CATSPER2: variants seen among roughly 807,000 people sequenced by gnomAD.
The protein encoded by CATSPER2 is cation channel sperm-associated protein 2.
In CATSPER2, 56 loss-of-function variants were observed where a neutral mutation model predicts 68.8. That is an observed-to-expected ratio of 0.81 (90% CI 0.66 to 1.02). CATSPER2 has a LOEUF of 1.02. CATSPER2 is among the 50% of genes least tolerant of loss of function. CATSPER2 has a pLI of 0.00. For missense variants in CATSPER2, 582 were observed against 642.0 expected (o/e 0.91, Z 1.01); for synonymous variants, 198 against 229.9 (o/e 0.86, Z 1.26).
chr15:43,640,390 C>T lies in CATSPER2; in HGVS notation c.495G>A (p.Trp165Ter), dbSNP rs1352149728. Reference sequence around the variant, plus strand: ...TCCAGAAAACAGAAAAGTTGGATAGCCACTTAAGAAGGATCTCCAGGATGA... The same window carrying T: ...TCCAGAAAACAGAAAAGTTGGATAGTCACTTAAGAAGGATCTCCAGGATGA... ...LIFILEILLK[W>*]LSNFSVFWKS... Residue 165 changes from tryptophan (W) to a stop codon, truncating the protein, a stop_gained, in exon 5 of 13, where the codon TGG becomes TGA. Transcript: ENST00000396879. LOFTEE classifies it high-confidence loss of function. The T allele has an allele frequency of 3.7e-6, 6 of 1,612,956 alleles. No individual in the cohort carries two copies.
chr15:43,632,186 C>G lies in CATSPER2; in HGVS notation c.1561+13G>C. On this transcript the variant is annotated intron_variant, in intron 12 of 12. Coordinates refer to ENST00000396879, the MANE Select transcript of CATSPER2 (RefSeq NM_172095.4). Reference sequence around the variant, plus strand: ...ATATTCCCATGGTCCCCATGACTGCCCTAACTCCATACCTGCAAACTCTTG... The same window carrying G: ...ATATTCCCATGGTCCCCATGACTGCGCTAACTCCATACCTGCAAACTCTTG... 1 of 1,612,658 alleles carries G rather than the reference C, an allele frequency of 6.2e-7. No homozygotes were observed. The highest frequency in any genetic ancestry group is 8.5e-7 in the Non-Finnish European group (1 of 1,178,864).
In CATSPER2 at chr15:43,647,437, C is replaced by T; in HGVS notation, c.176G>A (p.Gly59Glu). ...GAAACGCACTAGCTGGTGTTGATCT[C>T]CCAATACAAGTTTCTTCTGGCGGGA... ...DPSRQKKLVL[G>E]DQHQLVRFSI... Residue 59 changes from glycine (G) to glutamate (E), a missense_variant, in exon 3 of 13, where the codon GGA (glycine) becomes GAA (glutamate). By Grantham distance (98) the Gly-to-Glu change is moderately conservative. Transcript: ENST00000396879. The T allele has an allele frequency of 6.2e-7, 1 of 1,613,134 alleles. No homozygotes were observed. The highest frequency in any genetic ancestry group is 8.5e-7 in the Non-Finnish European group (1 of 1,179,576).
chr15:43,638,127 G>C (rs2085997801), intron 7 of CATSPER2, among the ~76,000 whole-genome samples: 1 of 150,628 alleles, frequency 6.6e-6, no homozygotes, highest in Non-Finnish European at 1.5e-5. Flanking sequence ...GCTAATTTTT[G>C]TATTTTTAGT....
chr15:43,647,865 G>C, intron 2 of CATSPER2, 52 bp downstream of exon 2: 1 of 1,584,866 alleles, frequency 6.3e-7, no homozygotes, highest in East Asian at 2.2e-5. Context: ...TAAATGTAGA[G>C]GATGTGGATA....
chr15:43,644,171 A>G (rs2086120217), intron 4 of CATSPER2, among the ~76,000 whole-genome samples: 1 of 152,008 alleles, frequency 6.6e-6, no homozygotes, highest in Non-Finnish European at 1.5e-5. Context: ...AGATTTTTTT[A>G]AAGCCCTAAC....
intron 4 of CATSPER2, among the ~76,000 whole-genome samples, chr15:43,645,694 G>A (rs569632265): frequency 4.6e-5 from 7 of 151,742 alleles, no homozygotes; most frequent in African/African-American, 7.3e-5. Context: ...TCAGGAGGCC[G>A]AGGTGGGAGG....
chr15:43,639,062 C>A, intron 6 of CATSPER2, 34 bp from the exon 7 acceptor site: 2 of 1,608,788 alleles, frequency 1.2e-6, no homozygotes, highest in South Asian at 1.1e-5. Context: ...AGATGTGGGC[C>A]AAACTAGGCT....
rs149101439 is a variant in CATSPER2, at chr15:43,632,886, C to G, written c.1227G>C (p.Val409=). The part of the protein sequence containing the change: ...QQRESLDLSE[V]SEVESNYGAT... Reference sequence around the variant, plus strand: ...CACCATAATTAGACTCTACTTCAGACACTTCTGATAAGTCCAAACTTTCCC... The same window carrying G: ...CACCATAATTAGACTCTACTTCAGAGACTTCTGATAAGTCCAAACTTTCCC... Residue 409 remains valine, a synonymous_variant, in exon 11 of 13, where the codon GTG becomes GTC. Transcript: ENST00000396879. 2.5e-6 allele frequency: 4 copies of G among 1,610,072 alleles called. No individual in the cohort carries two copies. The South Asian group carries it at 4.4e-5, about 18-fold the overall frequency.
Position 43,635,757 on chromosome 15 carries a change from G to A in CATSPER2, c.1091C>T (p.Ala364Val), listed in dbSNP as rs1240658845. Residue 364 changes from alanine (A) to valine (V), a missense_variant, in exon 9 of 13, where the codon GCT becomes GTT. This residue lies in a region of CATSPER2 where 235 missense variants were observed against 264.2 expected (regional missense o/e 0.89). Transcript: ENST00000396879. Reference sequence around the variant, plus strand: ...GATGATCTGCCGCTTGAACATGTCAGCTTTGAGCTGAACCTCCCGACGCGC... The same window carrying A: ...GATGATCTGCCGCTTGAACATGTCAACTTTGAGCTGAACCTCCCGACGCGC... ...EMARREVQLK[A>V]DMFKRQIIQR... is the part of the protein sequence containing the mutation. 3 of 1,613,512 alleles carry A rather than the reference G, an allele frequency of 1.9e-6. No individual in the cohort carries two copies. In the South Asian group the frequency reaches 3.3e-5, roughly 18 times the overall value.
chr15:43,642,028 G>T (rs2086083394), intron 4 of CATSPER2, among the ~76,000 whole-genome samples: 1 of 151,612 alleles, frequency 6.6e-6, no homozygotes, highest in Non-Finnish European at 1.5e-5. Flanking sequence ...CTGTACTTCT[G>T]TAAGTTTTTC....
chr15:43,647,150 A>G (rs745717724), intron 3 of CATSPER2, 32 bp from the exon 4 acceptor site: 6 of 1,592,140 alleles, frequency 3.8e-6, no homozygotes, highest in Non-Finnish European at 4.3e-6. Flanking sequence ...TACAGAGTGG[A>G]GTTCTTTCTG....
In CATSPER2 at chr15:43,639,744, G is replaced by A. The variant is rs1312824891; in HGVS notation, c.616C>T (p.Leu206Phe). ...LVGVTGQSVW[L>F]QLLRICRVLR... ...ACCCGGCAGATCCTCAGAAGCTGAA[G>A]CCACACCGATTGGCCTGTTACCCCT... The change falls in exon 6 of 13, where the codon CTT (leucine) becomes TTT (phenylalanine). Residue 206 changes from leucine (L) to phenylalanine (F), a missense_variant. Physicochemically the swap from Leu to Phe is conservative, Grantham distance 22. This residue lies in a region of CATSPER2 where 45 missense variants were observed against 80.2 expected (regional missense o/e 0.56). Transcript: ENST00000396879. 6.2e-7 allele frequency: 1 copy of A among 1,612,558 alleles called. No individual in the cohort carries two copies. Among genetic ancestry groups the A allele is most frequent in the Non-Finnish European group, 8.5e-7 (1 of 1,179,040 alleles).
chr15:43,631,394 C>G lies in CATSPER2; in HGVS notation c.1562-662G>C, dbSNP rs367591811. 2.7e-4 allele frequency: 50 copies of G among 188,012 alleles called. 1 individual carries two copies. In the East Asian group the frequency reaches 5.4e-3, roughly 20 times the overall value. The allele number at this position is 188,012 out of a possible 1,614,324, so 11.6% of individuals were successfully genotyped here. A position where few individuals can be genotyped will look rare whatever the true frequency, so the allele number is the denominator to read the frequency against. ...TACAGGCATGTGCCACAACGTCCAGCTGATTTTTTGTATTTTAGTAGAGAC... is the reference window on the plus strand; with the variant it reads ...TACAGGCATGTGCCACAACGTCCAGGTGATTTTTTGTATTTTAGTAGAGAC... On this transcript the variant is annotated intron_variant, in intron 12 of 12. Transcript: ENST00000396879.
intron 8 of CATSPER2, 75 bp downstream of exon 8, chr15:43,635,966 C>T: frequency 1.6e-6 from 2 of 1,223,774 alleles, no homozygotes; most frequent in Non-Finnish European, 2.3e-6. Context: ...TACCCATAAG[C>T]CACCAATCCC....
Position 43,630,878 on chromosome 15 carries a change from CTTTGCCATAGACAAGT to C in CATSPER2, c.1562-162_1562-147del. On this transcript the variant is annotated intron_variant, in intron 12 of 12. Coordinates refer to ENST00000396879, the MANE Select transcript of CATSPER2 (RefSeq NM_172095.4). ...ATTAAGCCATATGATTCTGTGTACT[CTTTGCCATAGACAAGT>C]TTTATTAGGATTAAAGAAACTACCT... is the stretch of plus-strand genomic sequence containing the variant. The C allele has an allele frequency of 3.9e-6, 6 of 1,538,044 alleles. No homozygotes were observed. The South Asian group carries it at 4.8e-5, about 12-fold the overall frequency.
chr15:43,640,729 G>A (rs1456984222), intron 4 of CATSPER2, among the ~76,000 whole-genome samples: 1 of 151,478 alleles, frequency 6.6e-6, no homozygotes, highest in Non-Finnish European at 1.5e-5. Flanking sequence ...ATATAGTTAT[G>A]TCTGCCCAGC....
chr15:43,640,082 C>T, intron 5 of CATSPER2: 6 of 1,439,638 alleles, frequency 4.2e-6, no homozygotes, highest in Non-Finnish European at 5.5e-6. Context: ...ATGCTTGGCA[C>T]TTAGTAAGTG....
rs573781668 is a variant in CATSPER2 at position 43,629,997 on chromosome 15, C to T, written c.*704G>A. 3.9e-5 allele frequency: 6 copies of T among 152,060 alleles called. No homozygotes were observed. The highest frequency in any genetic ancestry group is 5.9e-5 in the Non-Finnish European group (4 of 68,134). The allele number at this position is 152,060 out of a possible 1,614,324, so 9.4% of individuals were successfully genotyped here. A position where few individuals can be genotyped will look rare whatever the true frequency, so the allele number is the denominator to read the frequency against. On this transcript the variant is annotated 3_prime_UTR_variant, in exon 13 of 13. Coordinates refer to ENST00000396879, the MANE Select transcript of CATSPER2 (RefSeq NM_172095.4). ...GAGAGGGTAAAATTAGGACTCTAAT[C>T]AGGCAGTAGAGGTTGCAGGAAGGGT...
chr15:43,639,522 C>T (rs920568983), intron 6 of CATSPER2, 121 bp downstream of exon 6: 16 of 1,551,718 alleles, frequency 1.0e-5, no homozygotes, highest in Non-Finnish European at 1.4e-5. Context: ...CCCTCGGCTT[C>T]CCAAAGTGCT....
Sources: gnomAD v4.1 joint callset for allele counts (sites outside exome capture counted in the v4.1 genomes callset) on GRCh38, gnomAD v4.1.1 for gene constraint, gnomAD v4.1.1 regional missense constraint, MANE v1.5 for transcripts, NCBI Gene and HGNC (gene_info 2026-07-23, HGNC 2026-07-21) for gene names.